The following AGBL4 variants were observed in gnomAD, a reference collection of about 807,000 sequenced individuals.
AGBL4 encodes the protein AGBL carboxypeptidase 4, also known as cytosolic carboxypeptidase 6.
A neutral mutation model predicts 66.4 loss-of-function variants in AGBL4; 58 were observed. That is an observed-to-expected ratio of 0.87 (90% CI 0.71 to 1.09). AGBL4 has a LOEUF of 1.09. Ranked by LOEUF, AGBL4 falls within the 50% of genes least tolerant of loss-of-function variation. The pLI is 0.00. For synonymous variants in AGBL4, 234 were observed against 222.9 expected (o/e 1.05, Z -0.44); for missense variants, 579 against 631.0 (o/e 0.92, Z 0.88).
intron 3 of AGBL4, among the ~76,000 whole-genome samples, chr1:49,457,755 A>G (rs571022406): frequency 1.3e-5 from 2 of 151,706 alleles, no homozygotes; most frequent in Non-Finnish European, 2.9e-5. Flanking sequence ...AGACATAAGG[A>G]TCCAGTTTCA....
At chr1:49,590,244 A>G (rs1272802758) in intron 3 of AGBL4, among the ~76,000 whole-genome samples, 1 of 152,120 alleles carries the variant, frequency 6.6e-6, no homozygotes, top group African/African-American at 2.4e-5. Context: ...CAGACTTGGC[A>G]CATTAATAAA....
chr1:49,107,694 T>TGAGAGAGAGAGAGA (rs56321932), intron 4 of AGBL4, among the ~76,000 whole-genome samples: 15 of 113,992 alleles, frequency 1.3e-4, no homozygotes, highest in African/African-American at 5.5e-4. Flanking sequence ...TGTGTGTGTG[T>TGAGAGAGAGAGAGA]GAGAGAGAGA....
At chr1:48,638,190 T>C (rs528522497) in intron 8 of AGBL4, among the ~76,000 whole-genome samples, 28 of 152,310 alleles carry the variant, frequency 1.8e-4, no homozygotes, top group African/African-American at 6.5e-4. Context: ...TCTTCTTTCC[T>C]TTTTAGCTGA....
chr1:49,930,833 A>G (rs905507300), intron 1 of AGBL4, among the ~76,000 whole-genome samples: 2 of 152,160 alleles, frequency 1.3e-5, no homozygotes, highest in African/African-American at 4.8e-5. Flanking sequence ...GTTTTTCCAC[A>G]AAGATCAGGA....
intron 1 of AGBL4, among the ~76,000 whole-genome samples, chr1:49,890,335 A>C (rs1648514959): frequency 6.6e-6 from 1 of 152,192 alleles, no homozygotes; most frequent in African/African-American, 2.4e-5. Context: ...CAACTCAGAA[A>C]AGTTCTAAGT....
At chr1:49,225,373 T>C (rs191358607) in intron 4 of AGBL4, among the ~76,000 whole-genome samples, 1 of 152,194 alleles carries the variant, frequency 6.6e-6, no homozygotes, top group East Asian at 1.9e-4. Flanking sequence ...AATATCTCAT[T>C]CTTAAAAATG....
At chr1:49,025,521 G>A (rs1274053643) in intron 5 of AGBL4, 1 of 152,150 alleles carries the variant, frequency 6.6e-6, no homozygotes, top group Non-Finnish European at 1.5e-5. Flanking sequence ...TCTAGAACCA[G>A]AAGAACTTGG....
At chr1:49,971,906 G>GGTTGTTTTTTTT (rs1457900823) in intron 1 of AGBL4, among the ~76,000 whole-genome samples, 1 of 43,442 alleles carries the variant, frequency 2.3e-5, no homozygotes, top group Non-Finnish European at 4.3e-5. Flanking sequence ...GGTTTTTTTG[G>GGTTGTTTTTTTT]GTTTTTTTTT....
At chr1:49,758,157 C>G (rs1003087711) in intron 2 of AGBL4, among the ~76,000 whole-genome samples, 1 of 152,198 alleles carries the variant, frequency 6.6e-6, no homozygotes, top group Non-Finnish European at 1.5e-5. Context: ...TGGCAACTTC[C>G]ACATGATGTT....
At chr1:48,977,836 C>T (rs1463480760) in intron 5 of AGBL4, among the ~76,000 whole-genome samples, 1 of 152,128 alleles carries the variant, frequency 6.6e-6, no homozygotes, top group African/African-American at 2.4e-5. Flanking sequence ...CTTTTTAGTG[C>T]ATCTGTGCCC....
chr1:49,743,984 G>A (rs1571463352), intron 2 of AGBL4, among the ~76,000 whole-genome samples: 1 of 151,726 alleles, frequency 6.6e-6, no homozygotes, highest in African/African-American at 2.4e-5. Context: ...CAGCACACCA[G>A]CATGGCACAT....
At position 48,834,837 on chromosome 1, in the gene AGBL4, T is replaced by C. The variant is rs1169954216; in HGVS notation, c.634+32354A>G. ...GTTGACCTTTGTCATCATTGAACCA[T>C]ACCTTCACAAAGCCCCAGATTCCTA... On this transcript the variant is annotated intron_variant, in intron 6 of 13. Coordinates refer to ENST00000371839, the MANE Select transcript of AGBL4 (RefSeq NM_032785.4). Among the ~76,000 whole-genome samples, 4 of 152,202 alleles carry C rather than the reference T, an allele frequency of 2.6e-5. No homozygotes were observed. The East Asian group carries it at 5.8e-4, about 22-fold the overall frequency.
At chr1:48,802,213 G>C (rs1488229747) in intron 6 of AGBL4, among the ~76,000 whole-genome samples, 1 of 152,048 alleles carries the variant, frequency 6.6e-6, no homozygotes, top group Non-Finnish European at 1.5e-5. Context: ...GCCTTATGTT[G>C]AAGCTGTGCC....
rs574262968 is a variant in AGBL4, at chr1:49,260,712, C to T, written c.283-14848G>A. 7.2e-5 allele frequency among the ~76,000 whole-genome samples: 11 copies of T among 152,136 alleles called. No individual in the cohort carries two copies. The South Asian group carries it at 2.3e-3, about 32-fold the overall frequency. ...GTCCAGGACCAGATGGATTCACAGC[C>T]GAATTCTACCAGAGGTACAAGGAGG... On this transcript the variant is annotated intron_variant, in intron 3 of 13. Coordinates refer to ENST00000371839, the MANE Select transcript of AGBL4 (RefSeq NM_032785.4).
At chr1:49,577,869 C>T (rs867055737) in intron 3 of AGBL4, among the ~76,000 whole-genome samples, 1 of 152,098 alleles carries the variant, frequency 6.6e-6, no homozygotes. Context: ...TCCATAAGGC[C>T]GTGTATGCTC....
intron 1 of AGBL4, among the ~76,000 whole-genome samples, chr1:49,937,119 G>A (rs1348056686): frequency 1.1e-4 from 16 of 152,076 alleles, no homozygotes; most frequent in Non-Finnish European, 5.9e-5. Flanking sequence ...GACACACATA[G>A]GCTCAAAATA....
At chr1:49,307,311 C>T (rs1315875663) in intron 3 of AGBL4, among the ~76,000 whole-genome samples, 1 of 152,060 alleles carries the variant, frequency 6.6e-6, no homozygotes, top group Non-Finnish European at 1.5e-5. Flanking sequence ...AATTCTGGCT[C>T]ATGAGATGAA....
chr1:48,601,701 TA>T lies in AGBL4; in HGVS notation c.952-10717del, dbSNP rs1381285476. Among the ~76,000 whole-genome samples, 3 of 152,338 alleles carry T rather than the reference TA, an allele frequency of 2.0e-5. No individual in the cohort carries two copies. In the East Asian group the frequency reaches 5.8e-4, roughly 29 times the overall value. The stretch of plus-strand genomic sequence containing the variant: ...ATGGAAGTAGATAGGATTATGATCT[TA>T]GTTTCTCAGAAGAAGCTCAGAGCCT... On this transcript the variant is annotated intron_variant, in intron 9 of 13. Transcript: ENST00000371839.
chr1:49,520,480 A>G (rs1468523699), intron 3 of AGBL4, among the ~76,000 whole-genome samples: 1 of 152,080 alleles, frequency 6.6e-6, no homozygotes, highest in South Asian at 2.1e-4. Flanking sequence ...TTAGAACTCA[A>G]AAAGTAAGAA....
Sources: gnomAD v4.1 joint callset for allele counts (sites outside exome capture counted in the v4.1 genomes callset) on GRCh38, gnomAD v4.1.1 for gene constraint, MANE v1.5 for transcripts, NCBI Gene and HGNC (gene_info 2026-07-23, HGNC 2026-07-21) for gene names.